MICU1: variants seen among roughly 807,000 people sequenced by gnomAD.
MICU1 encodes calcium uptake protein 1, mitochondrial.
Under a neutral mutation model 56.8 loss-of-function variants are expected in MICU1, and 45 were observed. That is an observed-to-expected ratio of 0.79 (90% CI 0.62 to 1.02). MICU1 has a LOEUF of 1.02. Ranked by LOEUF, MICU1 falls within the 50% of genes least tolerant of loss-of-function variation. MICU1 has a pLI of 0.00. For synonymous variants in MICU1, 186 were observed against 195.1 expected (o/e 0.95, Z 0.39); for missense variants, 504 against 587.1 (o/e 0.86, Z 1.46).
chr10:72,533,893 C>G, intron 4 of MICU1, 104 bp from the exon 5 acceptor site: 4 of 765,068 alleles, frequency 5.2e-6, no homozygotes, highest in Non-Finnish European at 8.2e-6. Flanking sequence ...GTTAAAAGTA[C>G]AAAACATTTA....
intron 3 of MICU1, among the ~76,000 whole-genome samples, chr10:72,559,227 T>A (rs1246604966): frequency 1.3e-5 from 2 of 151,874 alleles, no homozygotes; most frequent in African/African-American, 4.8e-5. Flanking sequence ...AAAAGCAAAT[T>A]TAGGATACCA....
intron 6 of MICU1, among the ~76,000 whole-genome samples, chr10:72,493,821 A>G (rs920860941): frequency 1.3e-5 from 2 of 152,264 alleles, no homozygotes; most frequent in Non-Finnish European, 2.9e-5. Flanking sequence ...TTATTAGCCT[A>G]AACATGTAGA....
chr10:72,423,645 T>G (rs1864251598), intron 8 of MICU1, among the ~76,000 whole-genome samples: 1 of 152,208 alleles, frequency 6.6e-6, no homozygotes, highest in African/African-American at 2.4e-5. Flanking sequence ...CTTGCTGGGC[T>G]GCATTCCCAG....
chr10:72,434,448 C>A (rs1198194366), intron 8 of MICU1, among the ~76,000 whole-genome samples: 1 of 151,960 alleles, frequency 6.6e-6, no homozygotes, highest in Non-Finnish European at 1.5e-5. Flanking sequence ...AAATTTCATG[C>A]CATTTTTCCT....
At chr10:72,613,864 G>A (rs1272338886) in intron 1 of MICU1, among the ~76,000 whole-genome samples, 1 of 151,910 alleles carries the variant, frequency 6.6e-6, no homozygotes, top group African/African-American at 2.4e-5. Flanking sequence ...TACATAATAG[G>A]CTGGGTGCAG....
chr10:72,488,633 G>A (rs1486112970), intron 6 of MICU1, among the ~76,000 whole-genome samples: 2 of 152,284 alleles, frequency 1.3e-5, no homozygotes, highest in East Asian at 3.9e-4. Flanking sequence ...ATATGTAACA[G>A]ATTTTTTTTT....
rs201162362 is a variant in MICU1 at position 72,403,392 on chromosome 10, T to G, written c.1180+4537A>C. ...TTTTTTTTTAATTTGAATTTTTAAA[T>G]TTTTTGTAGAGACAAGGTCTTGCTA... On this transcript the variant is annotated intron_variant, in intron 10 of 11. Coordinates refer to ENST00000361114, the MANE Select transcript of MICU1 (RefSeq NM_001195518.2). 1.4e-4 allele frequency among the ~76,000 whole-genome samples: 22 copies of G among 152,214 alleles called. No homozygotes were observed. The East Asian group carries it at 2.9e-3, about 20-fold the overall frequency.
At chr10:72,451,880 T>A (rs1229445300) in intron 8 of MICU1, among the ~76,000 whole-genome samples, 1 of 152,068 alleles carries the variant, frequency 6.6e-6, no homozygotes, top group Non-Finnish European at 1.5e-5. Context: ...TCTTTCTTTT[T>A]TTGAGATGGA....
At chr10:72,412,132 A>AT (rs1033724500) in intron 9 of MICU1, among the ~76,000 whole-genome samples, 2 of 152,128 alleles carry the variant, frequency 1.3e-5, no homozygotes, top group Admixed American at 6.5e-5. Flanking sequence ...CAAAATTCTT[A>AT]TTTTTTTGGT....
intron 8 of MICU1, among the ~76,000 whole-genome samples, chr10:72,432,032 A>G (rs1393155755): frequency 6.7e-6 from 1 of 148,496 alleles, no homozygotes; most frequent in Non-Finnish European, 1.5e-5. Flanking sequence ...AGCAGTGCTG[A>G]TACTTGTCTC....
intron 9 of MICU1, among the ~76,000 whole-genome samples, chr10:72,409,927 C>T (rs1863753292): frequency 2.0e-5 from 3 of 152,286 alleles, no homozygotes; most frequent in Admixed American, 1.3e-4. Context: ...CCTCTCTCCC[C>T]ACAACATGTC....
intron 3 of MICU1, among the ~76,000 whole-genome samples, chr10:72,559,692 AAG>A (rs1840244815): frequency 6.6e-6 from 1 of 152,166 alleles, no homozygotes; most frequent in African/African-American, 2.4e-5. Flanking sequence ...AATTTTTAAA[AAG>A]AAAAAAGTTA....
chr10:72,494,556 G>T (rs998525458), intron 6 of MICU1, among the ~76,000 whole-genome samples: 1 of 151,776 alleles, frequency 6.6e-6, no homozygotes, highest in African/African-American at 2.4e-5. Flanking sequence ...TATTATCTCT[G>T]CAATGGCTAA....
chr10:72,523,302 G>A (rs996978035), intron 5 of MICU1, among the ~76,000 whole-genome samples: 35 of 152,110 alleles, frequency 2.3e-4, no homozygotes, highest in African/African-American at 8.2e-4. Context: ...TGATCTATTC[G>A]GTACTCTGTA....
chr10:72,620,683 G>A (rs1291702724), intron 1 of MICU1, among the ~76,000 whole-genome samples: 1 of 152,116 alleles, frequency 6.6e-6, no homozygotes, highest in Non-Finnish European at 1.5e-5. Flanking sequence ...CACCCTGTTA[G>A]TTTGGGGGAA....
intron 8 of MICU1, among the ~76,000 whole-genome samples, chr10:72,447,373 G>A (rs1258952977): frequency 6.6e-6 from 1 of 151,832 alleles, no homozygotes; most frequent in African/African-American, 2.4e-5. Flanking sequence ...TAGGCTAGAG[G>A]GTTTTAAAAT....
chr10:72,610,820 A>G (rs2132566374), intron 1 of MICU1, among the ~76,000 whole-genome samples: 1 of 152,334 alleles, frequency 6.6e-6, no homozygotes, highest in Middle Eastern at 3.4e-3. Context: ...GGAGGAGGTT[A>G]GAGGGTGAAT....
chr10:72,598,507 C>T (rs942750392), intron 1 of MICU1, among the ~76,000 whole-genome samples: 1 of 152,124 alleles, frequency 6.6e-6, no homozygotes, highest in African/African-American at 2.4e-5. Context: ...CCACCCGCCT[C>T]AGCCTTCCAA....
intron 1 of MICU1, among the ~76,000 whole-genome samples, chr10:72,611,885 A>T (rs554938806): frequency 1.2e-4 from 18 of 151,990 alleles, no homozygotes; most frequent in Admixed American, 4.6e-4. Flanking sequence ...TGCTTGGGAA[A>T]ATGAGGCAGA....
Sources: gnomAD v4.1 joint callset for allele counts (sites outside exome capture counted in the v4.1 genomes callset) on GRCh38, gnomAD v4.1.1 for gene constraint, MANE v1.5 for transcripts, NCBI Gene and HGNC (gene_info 2026-07-23, HGNC 2026-07-21) for gene names.